RBFOX3: variants seen among roughly 807,000 people sequenced by gnomAD.
RBFOX3 encodes the protein RNA binding fox-1 homolog 3.
Under a neutral mutation model 48.7 loss-of-function variants are expected in RBFOX3, and 17 were observed. The observed-to-expected ratio is 0.35, with a 90% CI of 0.24 to 0.52. The LOEUF (loss-of-function observed/expected upper bound fraction) is 0.52, where lower values mean the gene tolerates loss of function less well. RBFOX3 is among the 20% of genes least tolerant of loss of function. RBFOX3 has a pLI of 0.94. For synonymous variants in RBFOX3, 212 were observed against 209.5 expected (o/e 1.01, Z -0.10); for missense variants, 382 against 497.5 (o/e 0.77, Z 2.21).
intron 5 of RBFOX3, among the ~76,000 whole-genome samples, chr17:79,112,615 C>T (rs970651769): frequency 5.3e-5 from 8 of 152,070 alleles, no homozygotes; most frequent in Admixed American, 1.3e-4. Context: ...ACGGAACAGG[C>T]TGCCTGTGTG....
the RBFOX3 span, among the ~76,000 whole-genome samples, chr17:79,646,036 G>A: frequency 2.6e-5 from 4 of 152,020 alleles, no homozygotes; most frequent in Non-Finnish European, 4.4e-5. Flanking sequence ...ATCTTCTCTT[G>A]GTCTCCTGGC....
At position 79,473,613 on chromosome 17, in the gene RBFOX3, T is replaced by C. The variant is rs2077317622; in HGVS notation, c.-175+8841A>G. Among the ~76,000 whole-genome samples, 1 of 152,088 alleles carries C rather than the reference T, an allele frequency of 6.6e-6. No individual in the cohort carries two copies. Among genetic ancestry groups the C allele is most frequent in the East Asian group, 1.9e-4 (1 of 5,192 alleles). ...TTTATCTTTGCTTGCTTTCAGGCCC[T>C]CCCATAATGTTGACATCCTGATGAA... On this transcript the variant is annotated intron_variant, in intron 2 of 14. Transcript: ENST00000693108. The surrounding 1 kb of genome is among the most constrained non-coding windows in gnomAD (Gnocchi z 4.2).
chr17:79,298,261 G>T (rs2074725694), intron 3 of RBFOX3: 1 of 152,188 alleles, frequency 6.6e-6, no homozygotes, highest in African/African-American at 2.4e-5. Flanking sequence ...TGAAGGCATG[G>T]GTGGGGGACA....
intron 2 of RBFOX3, among the ~76,000 whole-genome samples, chr17:79,310,185 T>G (rs1457430817): frequency 6.6e-6 from 1 of 152,140 alleles, no homozygotes; most frequent in African/African-American, 2.4e-5. Flanking sequence ...ATGGCCTCCA[T>G]AGCATGCATT....
chr17:79,538,604 T>G (rs2089225446), intron 1 of RBFOX3, among the ~76,000 whole-genome samples: 1 of 152,232 alleles, frequency 6.6e-6, no homozygotes, highest in Non-Finnish European at 1.5e-5. Context: ...CGCCAGCCCC[T>G]GCCTTTAGGG....
chr17:79,459,465 C>A (rs112192429), intron 2 of RBFOX3, among the ~76,000 whole-genome samples: 1 of 152,118 alleles, frequency 6.6e-6, no homozygotes, highest in African/African-American at 2.4e-5. Flanking sequence ...CACAGTGGGG[C>A]GGATGGCACT....
chr17:79,291,745 A>G (rs535832225), intron 3 of RBFOX3, among the ~76,000 whole-genome samples: 2 of 152,328 alleles, frequency 1.3e-5, no homozygotes, highest in South Asian at 4.1e-4. Flanking sequence ...CACAGAACAC[A>G]GAGAGTACAC....
chr17:79,289,343 G>A (rs542917991), intron 3 of RBFOX3, among the ~76,000 whole-genome samples: 1 of 152,328 alleles, frequency 6.6e-6, no homozygotes, highest in South Asian at 2.1e-4. Flanking sequence ...TTCTGCCCCG[G>A]CCCTTAGTGT....
intron 13 of RBFOX3, among the ~76,000 whole-genome samples, chr17:79,094,746 T>C (rs60764725): frequency 0.22 from 29,166 of 135,510 alleles, 3,228 homozygotes; most frequent in East Asian, 0.39. Context: ...ACCCTCTCAA[T>C]ATGCCCACAG....
intron 4 of RBFOX3, among the ~76,000 whole-genome samples, chr17:79,117,046 T>A (rs1337782401): frequency 6.6e-6 from 1 of 152,114 alleles, no homozygotes; most frequent in South Asian, 2.1e-4. Flanking sequence ...TCTTTCACAG[T>A]GCCAGAGAGC....
rs73425327 is a variant in RBFOX3 at position 79,392,650 on chromosome 17, A to C, written c.-174-84826T>G. Among the ~76,000 whole-genome samples, 9,240 of 152,142 alleles carry C rather than the reference A, an allele frequency of 0.061. 679 individuals are homozygous for C. The highest frequency in any genetic ancestry group is 0.18 in the African/African-American group (7,449 of 41,476). On this transcript the variant is annotated intron_variant, in intron 2 of 14. Coordinates refer to ENST00000693108, the MANE Select transcript of RBFOX3 (RefSeq NM_001350451.2). The surrounding 1 kb of genome is among the most constrained non-coding windows in gnomAD (Gnocchi z 5.0). The stretch of plus-strand genomic sequence containing the variant: ...TTGCAGAACCAACAGTGTGTGCAGT[A>C]CCACACCCTCTCTTCCCGATATCTG...
intron 2 of RBFOX3, among the ~76,000 whole-genome samples, chr17:79,350,044 C>T (rs1024780612): frequency 5.9e-5 from 9 of 152,324 alleles, no homozygotes; most frequent in South Asian, 4.1e-4. Context: ...GCTCATCCCT[C>T]GCAGATCCAT....
intron 1 of RBFOX3, among the ~76,000 whole-genome samples, chr17:79,546,282 C>A (rs907569944): frequency 1.6e-4 from 24 of 152,176 alleles, no homozygotes; most frequent in African/African-American, 5.8e-4. Flanking sequence ...GCTTGACACC[C>A]CAGAAAGGAA....
intron 3 of RBFOX3, among the ~76,000 whole-genome samples, chr17:79,291,583 C>A (rs1466596518): frequency 6.6e-6 from 1 of 152,220 alleles, no homozygotes; most frequent in East Asian, 1.9e-4. Flanking sequence ...ACCCCTTGAG[C>A]CTCACAGTCC....
intron 4 of RBFOX3, among the ~76,000 whole-genome samples, chr17:79,164,348 G>A (rs1313929347): frequency 1.3e-5 from 2 of 152,204 alleles, no homozygotes; most frequent in Non-Finnish European, 2.9e-5. Flanking sequence ...TGCTGAGCTC[G>A]TGGGGTCATC....
intron 2 of RBFOX3, among the ~76,000 whole-genome samples, chr17:79,404,261 C>T (rs2063244467): frequency 6.6e-6 from 1 of 152,214 alleles, no homozygotes; most frequent in Admixed American, 6.5e-5. Context: ...AGGGCCACAG[C>T]GGTGGGAGCC....
intron 1 of RBFOX3, among the ~76,000 whole-genome samples, chr17:79,595,480 T>A (rs1252422686): frequency 6.6e-6 from 1 of 152,236 alleles, no homozygotes; most frequent in Non-Finnish European, 1.5e-5. Flanking sequence ...CCGTCTTTCT[T>A]TTCCACGAAA....
chr17:79,207,911 T>C (rs879227742), intron 4 of RBFOX3, among the ~76,000 whole-genome samples: 1 of 152,230 alleles, frequency 6.6e-6, no homozygotes, highest in Admixed American at 6.5e-5. Flanking sequence ...TCTTTAGCTA[T>C]ACAATTAATC....
chr17:79,260,283 G>A (rs1444169772), intron 3 of RBFOX3, among the ~76,000 whole-genome samples: 1 of 152,028 alleles, frequency 6.6e-6, no homozygotes, highest in Non-Finnish European at 1.5e-5. Flanking sequence ...CTTCTCCCAG[G>A]GCCCCTTCCC....
Sources: gnomAD v4.1 joint callset for allele counts (sites outside exome capture counted in the v4.1 genomes callset) on GRCh38, gnomAD v4.1.1 for gene constraint, Gnocchi (gnomAD v3.1) non-coding constraint, MANE v1.5 for transcripts, NCBI Gene and HGNC (gene_info 2026-07-23, HGNC 2026-07-21) for gene names.